The following NTSR2 variants were observed in gnomAD, a reference collection of about 807,000 sequenced individuals.
NTSR2 encodes the protein neurotensin receptor type 2.
In NTSR2, 22 loss-of-function variants were observed where a neutral mutation model predicts 24.1. The ratio of observed to expected loss-of-function variants is 0.91; its 90% CI spans 0.65 to 1.30. The LOEUF is 1.30. NTSR2 is among the 50% of genes most tolerant of loss of function. NTSR2 has a pLI of 0.00. For missense variants in NTSR2, 570 were observed against 570.4 expected, an observed-to-expected ratio of 1.00 and a Z score of 0.01; for synonymous variants, 291 against 267.0, an observed-to-expected ratio of 1.09 and a Z score of -0.88.
In NTSR2 at chr2:11,658,356, G is replaced by A; in HGVS notation, c.*123C>T. ...GCGCTTGATGGTTCTCAGCAGAGCA[G>A]GGGTTGATAGAAGTCGCCCTGGCTG... is the stretch of plus-strand genomic sequence containing the variant. On this transcript the variant is annotated 3_prime_UTR_variant, in exon 4 of 4. Transcript: ENST00000306928. The A allele has an allele frequency of 7.4e-7, 1 of 1,357,244 alleles. No individual in the cohort carries two copies. Among genetic ancestry groups the A allele is most frequent in the Non-Finnish European group, 1.0e-6 (1 of 997,322 alleles). The allele number at this position is 1,357,244 out of a possible 1,614,324, so 84.1% of individuals were successfully genotyped here.
rs186016078 is a variant in NTSR2 at position 11,670,040 on chromosome 2, C to T, written c.90G>A (p.Trp30Ter). The T allele has an allele frequency of 3.9e-4, 591 of 1,503,828 alleles. No homozygotes were observed. Among genetic ancestry groups the T allele is most frequent in the Admixed American group, 7.4e-4 (33 of 44,508 alleles). The allele number at this position is 1,503,828 out of a possible 1,614,324, so 93.2% of individuals were successfully genotyped here. ...AGAGCGCGGTGAACAGCACCTTGGC[C>T]CAGAGGCGAGTGTCCACGCCCAGCC... ...DARLGVDTRL[W>*]AKVLFTALYA... Residue 30 changes from tryptophan to a stop codon, truncating the protein, a stop_gained, in exon 1 of 4, where the codon TGG becomes TGA. Coordinates refer to ENST00000306928, the MANE Select transcript of NTSR2 (RefSeq NM_012344.4). LOFTEE classifies it high-confidence loss of function.
chr2:11,662,500 A>G (rs1300132049), intron 1 of NTSR2, among the ~76,000 whole-genome samples: 1 of 152,204 alleles, frequency 6.6e-6, no homozygotes, highest in Admixed American at 6.5e-5. Context: ...AATGCATTCA[A>G]GCCGGGCACG....
At chr2:11,664,447 AATCAGT>A (rs1457182628) in intron 1 of NTSR2, among the ~76,000 whole-genome samples, 1 of 152,150 alleles carries the variant, frequency 6.6e-6, no homozygotes, top group Non-Finnish European at 1.5e-5. Context: ...ACCACTTTAA[AATCAGT>A]ATGAACTATC....
At chr2:11,658,755 A>G in intron 3 of NTSR2, 33 bp from the exon 4 acceptor site, 5 of 1,607,506 alleles carry the variant, frequency 3.1e-6, no homozygotes, top group Non-Finnish European at 4.3e-6. Context: ...TGGTTAGAGG[A>G]CCTGTCACCT....
chr2:11,666,339 A>G (rs148651342), intron 1 of NTSR2, among the ~76,000 whole-genome samples: 29 of 152,296 alleles, frequency 1.9e-4, no homozygotes, highest in Non-Finnish European at 3.5e-4. Context: ...AAAAATGTAC[A>G]TATATAACTT....
chr2:11,659,557 G>C (rs575904905), intron 3 of NTSR2, among the ~76,000 whole-genome samples: 24 of 152,324 alleles, frequency 1.6e-4, no homozygotes, highest in Non-Finnish European at 3.4e-4. Context: ...TCCCACTTAT[G>C]ATTGGGGCAC....
intron 2 of NTSR2, among the ~76,000 whole-genome samples, chr2:11,661,257 G>A (rs1007384189): frequency 2.0e-5 from 3 of 152,204 alleles, no homozygotes; most frequent in African/African-American, 7.2e-5. Context: ...CAAATCTCCC[G>A]TCACTTATGG....
At chr2:11,663,773 T>C (rs1160172513) in intron 1 of NTSR2, among the ~76,000 whole-genome samples, 3 of 152,126 alleles carry the variant, frequency 2.0e-5, no homozygotes, top group Admixed American at 2.0e-4. Flanking sequence ...ATGCTCATTT[T>C]CTGTAGATAT....
chr2:11,662,178 T>G lies in NTSR2; in HGVS notation c.687A>C (p.Thr229=). 1 of 1,585,176 alleles carries G rather than the reference T, an allele frequency of 6.3e-7. No individual in the cohort carries two copies. The highest frequency in any genetic ancestry group is 8.6e-7 in the Non-Finnish European group (1 of 1,165,694). The change falls in exon 2 of 4, where the codon ACA becomes ACC. Residue 229 remains threonine (T), a synonymous_variant. Transcript: ENST00000306928. ...LALTAFLNGV[T]VSHLLALCSQ... ...AGCAGAGGGCCAGCAGGTGGCTCAC[T>G]GTGACCCCATTCAGGAAAGCAGTTA...
intron 1 of NTSR2, among the ~76,000 whole-genome samples, chr2:11,662,648 G>A (rs1215493323): frequency 1.3e-5 from 2 of 152,206 alleles, no homozygotes; most frequent in Non-Finnish European, 2.9e-5. Flanking sequence ...GGGCGTGGTA[G>A]CGGGCGCCTG....
rs1661089309 is a variant in NTSR2, at chr2:11,662,196, A to G, written c.669T>C (p.Ala223=). 4.5e-6 allele frequency: 7 copies of G among 1,569,336 alleles called. No homozygotes were observed. The highest frequency in any genetic ancestry group is 6.0e-6 in the Non-Finnish European group (7 of 1,157,696). Residue 223 remains alanine (A), a synonymous_variant, in exon 2 of 4, where the codon GCT becomes GCC. Transcript: ENST00000306928. The part of the protein sequence containing the change: ...VSFVLPLALT[A]FLNGVTVSHL... ...GGCTCACTGTGACCCCATTCAGGAA[A>G]GCAGTTAGTGCCAAGGGGAGCACGA...
chr2:11,661,275 C>G (rs994354865), intron 2 of NTSR2, among the ~76,000 whole-genome samples: 2 of 152,230 alleles, frequency 1.3e-5, no homozygotes, highest in South Asian at 4.1e-4. Flanking sequence ...TGGACATCAA[C>G]TTTTTCAATG....
intron 1 of NTSR2, chr2:11,666,043 C>G (rs544585334): frequency 2.6e-5 from 4 of 152,346 alleles, no homozygotes; most frequent in Non-Finnish European, 5.9e-5. Context: ...CCCTTGGAAT[C>G]CTGCTACCCA....
intron 1 of NTSR2, 42 bp downstream of exon 1, chr2:11,669,464 C>CGGGGGCGGGGG: frequency 6.3e-6 from 1 of 159,496 alleles, no homozygotes; most frequent in Admixed American, 6.7e-5. Flanking sequence ...AGCACCGCCC[C>CGGGGGCGGGGG]CCCACCCCCC....
intron 1 of NTSR2, among the ~76,000 whole-genome samples, chr2:11,664,296 G>T (rs1162774011): frequency 6.6e-6 from 1 of 151,986 alleles, no homozygotes; most frequent in Non-Finnish European, 1.5e-5. Flanking sequence ...TTTGTATTTT[G>T]TGTAGAGATG....
Position 11,658,595 on chromosome 2 carries a change from C to T in NTSR2, c.1117G>A (p.Val373Ile), listed in dbSNP as rs534548253. 5.5e-5 allele frequency: 89 copies of T among 1,614,150 alleles called. No homozygotes were observed. The East Asian group carries it at 8.5e-4, about 15-fold the overall frequency. The change falls in exon 4 of 4, where the codon GTC becomes ATC. Residue 373 changes from valine (V) to isoleucine (I), a missense_variant. Transcript: ENST00000306928. ...SSFRKLFLEA[V>I]SSLCGEHHPM... ...TGGTGCTCTCCACACAGGGAGCTGACGGCTTCCAGGAAGAGTTTTCTGAAG... is the reference window on the plus strand; with the variant it reads ...TGGTGCTCTCCACACAGGGAGCTGATGGCTTCCAGGAAGAGTTTTCTGAAG...
chr2:11,665,196 G>A (rs79381371), intron 1 of NTSR2, among the ~76,000 whole-genome samples: 23 of 151,548 alleles, frequency 1.5e-4, no homozygotes, highest in African/African-American at 4.6e-4. Flanking sequence ...TCACAGCCAC[G>A]CCAGGCCTCG....
At chr2:11,662,369 G>A in intron 1 of NTSR2, 129 bp from the exon 2 acceptor site, 2 of 888,598 alleles carry the variant, frequency 2.3e-6, no homozygotes, top group Non-Finnish European at 1.6e-6. Flanking sequence ...ATAAGGTTGA[G>A]AAAGTTCTCA....
intron 1 of NTSR2, among the ~76,000 whole-genome samples, chr2:11,666,762 G>A (rs1349711995): frequency 6.6e-6 from 1 of 152,114 alleles, no homozygotes; most frequent in African/African-American, 2.4e-5. Flanking sequence ...GAGAGGCCAG[G>A]GGTGGAGGAA....
Sources: gnomAD v4.1 joint callset for allele counts (sites outside exome capture counted in the v4.1 genomes callset) on GRCh38, gnomAD v4.1.1 for gene constraint, MANE v1.5 for transcripts, NCBI Gene and HGNC (gene_info 2026-07-23, HGNC 2026-07-21) for gene names.